The following SLC8A2 variants were observed in gnomAD, a reference collection of about 807,000 sequenced individuals.
SLC8A2 encodes solute carrier family 8 member A2, also known as sodium/calcium exchanger 2.
Under a neutral mutation model 70.2 loss-of-function variants are expected in SLC8A2, and 14 were observed. The ratio of observed to expected loss-of-function variants is 0.20; its 90% CI spans 0.13 to 0.31. The LOEUF (loss-of-function observed/expected upper bound fraction) is 0.31, where lower values mean the gene tolerates loss of function less well. SLC8A2 is among the 10% of genes least tolerant of loss of function. SLC8A2 has a pLI of 1.00. For synonymous variants in SLC8A2, 575 were observed against 594.3 expected, an observed-to-expected ratio of 0.97 and a Z score of 0.47; for missense variants, 779 against 1,320.1, an observed-to-expected ratio of 0.59 and a Z score of 6.35.
Position 47,447,639 on chromosome 19 carries a change from G to A in SLC8A2, c.1763+170C>T, listed in dbSNP as rs1599851078. 2.2e-6 allele frequency: 1 copy of A among 448,514 alleles called. No individual in the cohort carries two copies. Among genetic ancestry groups the A allele is most frequent in the Non-Finnish European group, 3.7e-6 (1 of 273,648 alleles). The allele number at this position is 448,514 out of a possible 1,614,324, so 27.8% of individuals were successfully genotyped here. ...GCCCACGTCGTGGGCATGGGTCACA[G>A]GCCCCGCCCACGTTGCGGGCACGGC... On this transcript the variant is annotated intron_variant, in intron 4 of 9. Transcript: ENST00000236877. This position sits in a 1 kb window ranked among gnomAD's most constrained non-coding sequence, Gnocchi z 5.1.
chr19:47,469,862 C>T (rs890782363), intron 1 of SLC8A2, among the ~76,000 whole-genome samples: 4 of 152,200 alleles, frequency 2.6e-5, no homozygotes, highest in Admixed American at 6.5e-5. Flanking sequence ...CCTTCGTGGG[C>T]GTGCGGCCAG....
At chr19:47,451,546 C>T (rs1389009515) in intron 3 of SLC8A2, among the ~76,000 whole-genome samples, 1 of 151,852 alleles carries the variant, frequency 6.6e-6, no homozygotes, top group Non-Finnish European at 1.5e-5. Flanking sequence ...TGGGCTCAAG[C>T]AATCCGCTGG....
At chr19:47,459,149 C>G (rs1001938332) in intron 2 of SLC8A2, among the ~76,000 whole-genome samples, 1 of 151,190 alleles carries the variant, frequency 6.6e-6, no homozygotes, top group Non-Finnish European at 1.5e-5. Context: ...CTCTGTCCTC[C>G]CTTTTTGTCT....
intron 2 of SLC8A2, among the ~76,000 whole-genome samples, chr19:47,464,971 C>T (rs990696336): frequency 1.3e-5 from 2 of 152,144 alleles, no homozygotes; most frequent in Non-Finnish European, 2.9e-5. Context: ...TTTTGTCTCA[C>T]TATTGGAATA....
In SLC8A2 at chr19:47,445,780, C is replaced by T. The variant is rs559099330; in HGVS notation, c.1763+2029G>A. Among the ~76,000 whole-genome samples the T allele has an allele frequency of 3.2e-4, 49 of 152,142 alleles. No homozygotes were observed. The South Asian group carries it at 1.0e-2, about 31-fold the overall frequency. ...TAAGGTTGCAGCAGCAGGAGGGAAG[C>T]AGGTTGGACTATAAGAAGGACCGGA... is the stretch of plus-strand genomic sequence containing the variant. On this transcript the variant is annotated intron_variant, in intron 4 of 9. Coordinates refer to ENST00000236877, the MANE Select transcript of SLC8A2 (RefSeq NM_015063.3).
chr19:47,451,736 G>T (rs1373637714), intron 3 of SLC8A2, among the ~76,000 whole-genome samples: 1 of 152,200 alleles, frequency 6.6e-6, no homozygotes, highest in Non-Finnish European at 1.5e-5. Flanking sequence ...CACCCAGGGG[G>T]ATAGAGCATC....
At position 47,456,950 on chromosome 19, in the gene SLC8A2, C is replaced by G. The variant is rs1334571599; in HGVS notation, c.1320G>C (p.Ala440=). The change falls in exon 3 of 10, where the codon GCG becomes GCC. Residue 440 remains alanine, a synonymous_variant. Transcript: ENST00000236877. ...CCCACCTGTACTCGTAGTCGGAGCC[C>G]GCCTTGGCAGAGCCGTCCTCAGTGC... The part of the protein sequence containing the change: ...DYRTEDGSAK[A]GSDYEYSEGT... The G allele has an allele frequency of 1.9e-6, 3 of 1,609,048 alleles. No individual in the cohort carries two copies. The highest frequency in any genetic ancestry group is 1.3e-5 in the African/African-American group (1 of 74,574).
Position 47,447,719 on chromosome 19 carries a change from ATGGCTCACCC to A in SLC8A2, c.1763+80_1763+89del. ...ACCAAGACCCGCCCACTATGTGGGC[ATGGCTCACCC>A]AGGCCCCGCCCCTGAGCCACATCAG... On this transcript the variant is annotated intron_variant, in intron 4 of 9. Coordinates refer to ENST00000236877, the MANE Select transcript of SLC8A2 (RefSeq NM_015063.3). The surrounding 1 kb of genome is among the most constrained non-coding windows in gnomAD (Gnocchi z 5.1). The A allele has an allele frequency of 7.5e-7, 1 of 1,328,528 alleles. No individual in the cohort carries two copies. The highest frequency in any genetic ancestry group is 9.9e-7 in the Non-Finnish European group (1 of 1,007,286). The allele number at this position is 1,328,528 out of a possible 1,614,324, so 82.3% of individuals were successfully genotyped here.
chr19:47,453,039 A>G (rs1261628837), intron 3 of SLC8A2, among the ~76,000 whole-genome samples: 2 of 152,210 alleles, frequency 1.3e-5, no homozygotes, highest in African/African-American at 4.8e-5. Context: ...TCTCAAAAAA[A>G]TAAAGAATAT....
chr19:47,442,660 G>T (rs1308911258), intron 4 of SLC8A2, among the ~76,000 whole-genome samples: 1 of 151,984 alleles, frequency 6.6e-6, no homozygotes, highest in Non-Finnish European at 1.5e-5. Context: ...CCCTTATACT[G>T]CTCTGTTGTC....
rs989327598 is a variant in SLC8A2, at chr19:47,429,703, G to A, written c.*386C>T. ...TGAAGTGGGGGGGGGGTCACTAGGGGAAGGGAGACTTTGGGGGCAAAGCCA... is the reference window on the plus strand; with the variant it reads ...TGAAGTGGGGGGGGGGTCACTAGGGAAAGGGAGACTTTGGGGGCAAAGCCA... On this transcript the variant is annotated 3_prime_UTR_variant, in exon 10 of 10. Coordinates refer to ENST00000236877, the MANE Select transcript of SLC8A2 (RefSeq NM_015063.3). 1.4e-5 allele frequency: 3 copies of A among 216,832 alleles called. No individual in the cohort carries two copies. The highest frequency in any genetic ancestry group is 7.1e-5 in the African/African-American group (3 of 42,232). 13.4% of individuals were successfully genotyped at this position (216,832 alleles called of 1,614,324 possible).
At chr19:47,461,953 TG>T (rs938537876) in intron 2 of SLC8A2, among the ~76,000 whole-genome samples, 4 of 152,158 alleles carry the variant, frequency 2.6e-5, no homozygotes, top group African/African-American at 9.7e-5. Flanking sequence ...ATTGGAAATC[TG>T]GGGGTATTTA....
intron 1 of SLC8A2, among the ~76,000 whole-genome samples, 167 bp downstream of exon 1, chr19:47,471,622 C>T (rs1967541746): frequency 6.6e-6 from 1 of 152,012 alleles, no homozygotes; most frequent in South Asian, 2.1e-4. Flanking sequence ...CGGCTGGTGG[C>T]ACTCCCACCC....
intron 6 of SLC8A2, among the ~76,000 whole-genome samples, chr19:47,439,912 C>T (rs547899873): frequency 6.6e-6 from 1 of 152,312 alleles, no homozygotes; most frequent in East Asian, 1.9e-4. Flanking sequence ...GATCCGCCCG[C>T]CTGGGCCTCT....
chr19:47,470,509 C>A (rs770318217), intron 1 of SLC8A2, among the ~76,000 whole-genome samples: 3 of 152,164 alleles, frequency 2.0e-5, no homozygotes, highest in Non-Finnish European at 2.9e-5. Context: ...TCTCAGCACC[C>A]CCCACTGAGA....
At chr19:47,441,801 A>C (rs1042727524) in intron 4 of SLC8A2, among the ~76,000 whole-genome samples, 1 of 152,134 alleles carries the variant, frequency 6.6e-6, no homozygotes, top group South Asian at 2.1e-4. Flanking sequence ...ATTTATATTA[A>C]ATAATTTATT....
At chr19:47,444,912 C>G (rs182581847) in intron 4 of SLC8A2, among the ~76,000 whole-genome samples, 52 of 152,312 alleles carry the variant, frequency 3.4e-4, no homozygotes, top group African/African-American at 1.3e-3. Flanking sequence ...CATCCTGTCT[C>G]TCACTGACCC....
In SLC8A2 at chr19:47,430,395, G is replaced by T. The variant is rs764092602; in HGVS notation, c.2460C>A (p.Gly820=). The change falls in exon 10 of 10, where the codon GGC becomes GGA. Residue 820 remains glycine (G), a synonymous_variant. Coordinates refer to ENST00000236877, the MANE Select transcript of SLC8A2 (RefSeq NM_015063.3). The surrounding 1 kb of genome is among the most constrained non-coding windows in gnomAD (Gnocchi z 5.9). ...CAAGGAACACGTTCACCGCGTTGGA[G>T]CCGGTCACGTTGCCGATGGACGCGT... The part of the protein sequence containing the change: ...CADASIGNVT[G]SNAVNVFLGL... 3.1e-6 allele frequency: 5 copies of T among 1,610,654 alleles called. No homozygotes were observed. In the African/African-American group the frequency reaches 6.7e-5, roughly 21 times the overall value.
At position 47,448,349 on chromosome 19, in the gene SLC8A2, C is replaced by A; in HGVS notation, c.1341-118G>T. ...GACGTAGGTGCCATAGAAGAACTCC[C>A]AAGTATGAGGGTCGACAGGCATTAA... is the stretch of plus-strand genomic sequence containing the variant. On this transcript the variant is annotated intron_variant, in intron 3 of 9. Coordinates refer to ENST00000236877, the MANE Select transcript of SLC8A2 (RefSeq NM_015063.3). This position sits in a 1 kb window ranked among gnomAD's most constrained non-coding sequence, Gnocchi z 4.8. The A allele has an allele frequency of 1.4e-6, 1 of 726,390 alleles. No individual in the cohort carries two copies. The highest frequency in any genetic ancestry group is 2.2e-6 in the Non-Finnish European group (1 of 447,258). The allele number at this position is 726,390 out of a possible 1,614,324, so 45.0% of individuals were successfully genotyped here. A position where few individuals can be genotyped will look rare whatever the true frequency, so the allele number is the denominator to read the frequency against.
Sources: gnomAD v4.1 joint callset for allele counts (sites outside exome capture counted in the v4.1 genomes callset) on GRCh38, gnomAD v4.1.1 for gene constraint, Gnocchi (gnomAD v3.1) non-coding constraint, MANE v1.5 for transcripts, NCBI Gene and HGNC (gene_info 2026-07-23, HGNC 2026-07-21) for gene names.